Variants in IGSF5 observed in about 807,000 individuals in gnomAD.
IGSF5 encodes the protein immunoglobulin superfamily 5 like.
IGSF5 carries 41 observed loss-of-function variants against 39.4 expected under a neutral mutation model. The ratio of observed to expected loss-of-function variants is 1.04; its 90% CI spans 0.81 to 1.35. The LOEUF (loss-of-function observed/expected upper bound fraction) is 1.35, where lower values mean the gene tolerates loss of function less well. Among genes scored for constraint, IGSF5 ranks in the 40% most tolerant of loss-of-function variants. The pLI is 0.00. For synonymous variants in IGSF5, 183 were observed against 175.3 expected, an observed-to-expected ratio of 1.04 and a Z score of -0.34; for missense variants, 487 against 494.6, an observed-to-expected ratio of 0.98 and a Z score of 0.15.
At chr21:39,757,127 C>G (rs1357472703) in intron 2 of IGSF5, among the ~76,000 whole-genome samples, 1 of 152,042 alleles carries the variant, frequency 6.6e-6, no homozygotes, top group Non-Finnish European at 1.5e-5. Context: ...GTTGTCTCAC[C>G]TCATTCGCTG....
At chr21:39,787,031 C>T (rs1048593737) in intron 5 of IGSF5, among the ~76,000 whole-genome samples, 15 of 151,938 alleles carry the variant, frequency 9.9e-5, no homozygotes, top group Non-Finnish European at 1.5e-4. Flanking sequence ...GTGGGTGTAG[C>T]GCACCAGCAT....
intron 4 of IGSF5, among the ~76,000 whole-genome samples, chr21:39,774,255 G>T (rs1030809871): frequency 1.3e-5 from 2 of 152,216 alleles, no homozygotes; most frequent in Non-Finnish European, 2.9e-5. Flanking sequence ...ACCAGACGAG[G>T]CTGTAAGGAG....
At position 39,792,006 on chromosome 21, in the gene IGSF5, AG is replaced by A; in HGVS notation, c.957del. On this transcript the variant is annotated splice_acceptor_variant, in intron 6 of 8. Coordinates refer to ENST00000380588, the MANE Select transcript of IGSF5 (RefSeq NM_001080444.2). LOFTEE classifies it high-confidence loss of function. The stretch of plus-strand genomic sequence containing the variant: ...CATGAACATAAAATGGTCTAATTGT[AG>A]GAAATCTGAAAAAGAGAAGACAAAC... The A allele has an allele frequency of 1.3e-6, 2 of 1,596,706 alleles. No individual in the cohort carries two copies.
At chr21:39,766,204 C>A (rs1457652027) in intron 3 of IGSF5, among the ~76,000 whole-genome samples, 1 of 152,116 alleles carries the variant, frequency 6.6e-6, no homozygotes, top group African/African-American at 2.4e-5. Context: ...CTTTTTCCTG[C>A]TTCATTCTCT....
At chr21:39,800,555 A>T (rs2087022991) in intron 8 of IGSF5, among the ~76,000 whole-genome samples, 1 of 152,204 alleles carries the variant, frequency 6.6e-6, no homozygotes, top group African/African-American at 2.4e-5. Flanking sequence ...ACAAATTAAG[A>T]GCGTGAGCCA....
chr21:39,788,976 A>G (rs1446079641), intron 6 of IGSF5, among the ~76,000 whole-genome samples: 1 of 152,198 alleles, frequency 6.6e-6, no homozygotes, highest in African/African-American at 2.4e-5. Flanking sequence ...CATGTGGCAA[A>G]GGTTATCCCT....
chr21:39,744,498 G>A (rs975593701), upstream of IGSF5, among the ~76,000 whole-genome samples: 3 of 146,418 alleles, frequency 2.0e-5, no homozygotes, highest in Admixed American at 6.8e-5. Flanking sequence ...AAGAGTCTCC[G>A]TATCAATTAC....
At chr21:39,738,024 A>G in the IGSF5 span, among the ~76,000 whole-genome samples, 1 of 152,170 alleles carries the variant, frequency 6.6e-6, no homozygotes, top group Admixed American at 6.5e-5. The surrounding 1 kb of genome is among the most constrained non-coding windows in gnomAD (Gnocchi z 6.4). Context: ...CCATGGGTGG[A>G]AACCTATTGT....
intron 3 of IGSF5, among the ~76,000 whole-genome samples, chr21:39,770,634 C>T (rs1024693454): frequency 6.6e-6 from 1 of 151,694 alleles, no homozygotes; most frequent in Non-Finnish European, 1.5e-5. Context: ...ATAATTATTT[C>T]CCCCTGGTTT....
the IGSF5 span, chr21:39,726,160 C>G: frequency 6.6e-6 from 1 of 152,272 alleles, no homozygotes; most frequent in Admixed American, 6.5e-5. Context: ...GTGTTCACCT[C>G]TCATGGGCAG....
In IGSF5 at chr21:39,745,594, C is replaced by T. The variant is rs913518041; in HGVS notation, c.17+68C>T. 8.4e-6 allele frequency: 6 copies of T among 710,466 alleles called. No homozygotes were observed. The African/African-American group carries it at 1.1e-4, about 12-fold the overall frequency. 44.0% of individuals were successfully genotyped at this position (710,466 alleles called of 1,614,324 possible). A position where few individuals can be genotyped will look rare whatever the true frequency, so the allele number is the denominator to read the frequency against. The stretch of plus-strand genomic sequence containing the variant: ...GCTGAGCCATGATCTCAATCAGCTA[C>T]TGCTGGGAGGTTGGGACGACAGCTT... On this transcript the variant is annotated intron_variant, in intron 1 of 8. Coordinates refer to ENST00000380588, the MANE Select transcript of IGSF5 (RefSeq NM_001080444.2).
chr21:39,789,645 G>C (rs1248558148), intron 6 of IGSF5, among the ~76,000 whole-genome samples: 5 of 151,970 alleles, frequency 3.3e-5, no homozygotes. Context: ...AAAAATCAAT[G>C]CATGTTTATT....
At chr21:39,729,965 T>A in the IGSF5 span, 4 of 152,082 alleles carry the variant, frequency 2.6e-5, no homozygotes, top group African/African-American at 9.7e-5. Context: ...GAGGTGTGAG[T>A]CCAGCCAACA....
chr21:39,712,538 G>T, the IGSF5 span, among the ~76,000 whole-genome samples: 1 of 152,084 alleles, frequency 6.6e-6, no homozygotes, highest in South Asian at 2.1e-4. Context: ...GGGGCTCAGG[G>T]TTGTTCTCTG....
chr21:39,726,486 C>A, the IGSF5 span, among the ~76,000 whole-genome samples: 1 of 151,900 alleles, frequency 6.6e-6, no homozygotes, highest in Non-Finnish European at 1.5e-5. Context: ...TGTTAGCTGG[C>A]CTCTCTCCTC....
intron 8 of IGSF5, among the ~76,000 whole-genome samples, chr21:39,794,769 T>G (rs952983145): frequency 3.9e-5 from 6 of 152,170 alleles, no homozygotes; most frequent in Non-Finnish European, 7.3e-5. Flanking sequence ...TTTGTTCTGC[T>G]AGGAGCTGCT....
intron 4 of IGSF5, among the ~76,000 whole-genome samples, chr21:39,774,114 G>A (rs1395630793): frequency 1.3e-5 from 2 of 152,204 alleles, no homozygotes; most frequent in African/African-American, 4.8e-5. Context: ...GGATTCATTT[G>A]GAACAGGGTA....
the IGSF5 span, among the ~76,000 whole-genome samples, chr21:39,715,469 T>C: frequency 6.6e-6 from 1 of 152,198 alleles, no homozygotes; most frequent in Non-Finnish European, 1.5e-5. Flanking sequence ...TGTAAATACA[T>C]GCTTTTGTTT....
chr21:39,787,117 T>C (rs75609371), intron 5 of IGSF5, among the ~76,000 whole-genome samples: 6 of 151,770 alleles, frequency 4.0e-5, no homozygotes, highest in Admixed American at 3.3e-4. Flanking sequence ...AAAAAAAAAA[T>C]GCAATGGCAA....
Sources: allele counts gnomAD v4.1 joint callset (sites outside exome capture counted in the v4.1 genomes callset), GRCh38; gene constraint gnomAD v4.1.1; non-coding constraint Gnocchi (gnomAD v3.1); transcripts MANE v1.5; gene names NCBI Gene and HGNC (gene_info 2026-07-23, HGNC 2026-07-21).